INPP5A: variants seen among roughly 807,000 people sequenced by gnomAD.
INPP5A encodes 43 kDa inositol polyphosphate 5-phophatase.
A neutral mutation model predicts 65.2 loss-of-function variants in INPP5A; 14 were observed. The ratio of observed to expected loss-of-function variants is 0.21; its 90% CI spans 0.14 to 0.34. The LOEUF is 0.34. Ranked by LOEUF, INPP5A falls within the 10% of genes least tolerant of loss-of-function variation. The pLI is 1.00. For synonymous variants in INPP5A, 207 were observed against 208.3 expected (o/e 0.99, Z 0.05); for missense variants, 431 against 545.6 (o/e 0.79, Z 2.09).
chr10:132,542,267 C>T (rs1306304751), intron 1 of INPP5A, among the ~76,000 whole-genome samples: 1 of 152,228 alleles, frequency 6.6e-6, no homozygotes, highest in South Asian at 2.1e-4. Flanking sequence ...TGCCCAGACC[C>T]GGGTTTGCAG....
rs1845364419 is a variant in INPP5A, at chr10:132,697,547, C to T, written c.371-269C>T. ...GTTTAAAAGAGGATGCCAATTAGCT[C>T]CTGTAAATCTGCAGTCTGGGAGCTC... On this transcript the variant is annotated intron_variant, in intron 5 of 15. Coordinates refer to ENST00000368594, the MANE Select transcript of INPP5A (RefSeq NM_005539.5). The surrounding 1 kb of genome is among the most constrained non-coding windows in gnomAD (Gnocchi z 5.6). Among the ~76,000 whole-genome samples, 1 of 152,186 alleles carries T rather than the reference C, an allele frequency of 6.6e-6. No homozygotes were observed. The highest frequency in any genetic ancestry group is 2.4e-5 in the African/African-American group (1 of 41,450).
chr10:132,540,918 T>G (rs1250509755), intron 1 of INPP5A, among the ~76,000 whole-genome samples: 1 of 152,252 alleles, frequency 6.6e-6, no homozygotes, highest in African/African-American at 2.4e-5. Flanking sequence ...TTTCCTTTTG[T>G]GCACAAGTGA....
In INPP5A at chr10:132,706,463, T is replaced by C. The variant is rs1845539077; in HGVS notation, c.475-1850T>C. On this transcript the variant is annotated intron_variant, in intron 6 of 15. Transcript: ENST00000368594. The surrounding 1 kb of genome is among the most constrained non-coding windows in gnomAD (Gnocchi z 4.7). ...AATATTGATGACAAAGAGAAAAACT[T>C]TAAAACAGCCAGAGAGAGGAAAACA... Among the ~76,000 whole-genome samples, 6 of 152,150 alleles carry C rather than the reference T, an allele frequency of 3.9e-5. No individual in the cohort carries two copies. The South Asian group carries it at 1.2e-3, about 32-fold the overall frequency.
At chr10:132,559,081 G>A (rs970953389) in intron 1 of INPP5A, among the ~76,000 whole-genome samples, 1 of 152,220 alleles carries the variant, frequency 6.6e-6, no homozygotes, top group Non-Finnish European at 1.5e-5. Flanking sequence ...AGCTTCCTGA[G>A]GGTCCCTGAG....
Position 132,615,243 on chromosome 10 carries a change from T to C in INPP5A, c.117+7287T>C, listed in dbSNP as rs538845885. ...GCGGCCCGCAGCCCGTGGGCCACAA[T>C]GGAGGGCTTCATCTCAGAAGCTTCC... On this transcript the variant is annotated intron_variant, in intron 2 of 15. Transcript: ENST00000368594. Among the ~76,000 whole-genome samples the C allele has an allele frequency of 2.6e-5, 4 of 152,316 alleles. No homozygotes were observed. The South Asian group carries it at 8.3e-4, about 32-fold the overall frequency.
chr10:132,662,629 A>C (rs1171296430), intron 4 of INPP5A, among the ~76,000 whole-genome samples: 2 of 152,188 alleles, frequency 1.3e-5, no homozygotes, highest in African/African-American at 4.8e-5. Context: ...GTGAGCACTA[A>C]GGAGAAGCCA....
At chr10:132,766,086 G>A (rs1013259733) in intron 12 of INPP5A, among the ~76,000 whole-genome samples, 1 of 151,846 alleles carries the variant, frequency 6.6e-6, no homozygotes. Flanking sequence ...ACATGTGCAC[G>A]AGTGTGTGTG....
rs142994821 is a variant in INPP5A, at chr10:132,776,364, G to A, written c.978-1307G>A. 7.0e-4 allele frequency among the ~76,000 whole-genome samples: 107 copies of A among 151,846 alleles called. 1 individual carries two copies. Among genetic ancestry groups the A allele is most frequent in the African/African-American group, 2.4e-3 (100 of 41,466 alleles). On this transcript the variant is annotated intron_variant, in intron 12 of 15. Coordinates refer to ENST00000368594, the MANE Select transcript of INPP5A (RefSeq NM_005539.5). ...AGGGCAGAGCAAGTTCCCAGTCCCC[G>A]GCTGTTTCCAGGTGGTTGGGCACAG... is the stretch of plus-strand genomic sequence containing the variant.
rs1308879303 is a variant in INPP5A at position 132,546,994 on chromosome 10, G to A, written c.75+8823G>A. 6.6e-6 allele frequency among the ~76,000 whole-genome samples: 1 copy of A among 152,196 alleles called. No individual in the cohort carries two copies. Among genetic ancestry groups the A allele is most frequent in the African/African-American group, 2.4e-5 (1 of 41,452 alleles). ...TTCCTTTCTGCGTCCTCCCCTCTCG[G>A]GGTCCCGCATGACTGGTCCTCATTC... On this transcript the variant is annotated intron_variant, in intron 1 of 15. Coordinates refer to ENST00000368594, the MANE Select transcript of INPP5A (RefSeq NM_005539.5). The surrounding 1 kb of genome is among the most constrained non-coding windows in gnomAD (Gnocchi z 5.7).
intron 1 of INPP5A, among the ~76,000 whole-genome samples, chr10:132,564,150 G>A (rs1047138570): frequency 2.6e-5 from 4 of 152,118 alleles, no homozygotes; most frequent in African/African-American, 2.4e-5. Context: ...TGTCCTGCTC[G>A]TTGCTGTCAT....
intron 4 of INPP5A, among the ~76,000 whole-genome samples, chr10:132,669,425 G>T (rs1242529490): frequency 6.6e-6 from 1 of 152,128 alleles, no homozygotes; most frequent in African/African-American, 2.4e-5. Context: ...TAACCTCAAG[G>T]CTTTCTATGT....
intron 11 of INPP5A, among the ~76,000 whole-genome samples, chr10:132,758,506 C>T (rs556465042): frequency 2.0e-4 from 30 of 152,170 alleles, no homozygotes; most frequent in African/African-American, 6.3e-4. Context: ...GGCGTGGGTG[C>T]CCGGCCGACC....
At position 132,540,646 on chromosome 10, in the gene INPP5A, T is replaced by C. The variant is rs1289468061; in HGVS notation, c.75+2475T>C. Among the ~76,000 whole-genome samples, 5 of 152,322 alleles carry C rather than the reference T, an allele frequency of 3.3e-5. No individual in the cohort carries two copies. The East Asian group carries it at 7.7e-4, about 24-fold the overall frequency. On this transcript the variant is annotated intron_variant, in intron 1 of 15. Transcript: ENST00000368594. Reference sequence around the variant, plus strand: ...AGCCTGGCCGGTGGAAGGAAATTCATGAGTGAAGGAAGTTTTGGTTTCTTG... The same window carrying C: ...AGCCTGGCCGGTGGAAGGAAATTCACGAGTGAAGGAAGTTTTGGTTTCTTG...
chr10:132,590,344 A>C (rs959010597), intron 1 of INPP5A, among the ~76,000 whole-genome samples: 1 of 151,770 alleles, frequency 6.6e-6, no homozygotes, highest in Non-Finnish European at 1.5e-5. Context: ...GTGGGGAGGG[A>C]CAGTGCGGCC....
chr10:132,708,785 T>C (rs1845583982), intron 7 of INPP5A, among the ~76,000 whole-genome samples: 1 of 152,202 alleles, frequency 6.6e-6, no homozygotes, highest in Admixed American at 6.5e-5. Context: ...AGCCTGCGTC[T>C]CATCCACATA....
intron 2 of INPP5A, among the ~76,000 whole-genome samples, chr10:132,614,368 G>A (rs2072002242): frequency 6.6e-6 from 1 of 152,218 alleles, no homozygotes; most frequent in African/African-American, 2.4e-5. Flanking sequence ...TTGGGAGGCT[G>A]AGGCAGGAGA....
At position 132,659,795 on chromosome 10, in the gene INPP5A, G is replaced by T. The variant is rs1183404769; in HGVS notation, c.306+9290G>T. ...GGTCTGCACGGCTTCATGGCTGCCT[G>T]CCCTGGGAGGTGGAGCATGGAGAAG... is the stretch of plus-strand genomic sequence containing the variant. On this transcript the variant is annotated intron_variant, in intron 4 of 15. Coordinates refer to ENST00000368594, the MANE Select transcript of INPP5A (RefSeq NM_005539.5). This position sits in a 1 kb window ranked among gnomAD's most constrained non-coding sequence, Gnocchi z 5.5. Among the ~76,000 whole-genome samples, 1 of 152,228 alleles carries T rather than the reference G, an allele frequency of 6.6e-6. No individual in the cohort carries two copies. The highest frequency in any genetic ancestry group is 1.5e-5 in the Non-Finnish European group (1 of 68,030).
intron 9 of INPP5A, among the ~76,000 whole-genome samples, chr10:132,728,051 C>T (rs1846016363): frequency 6.6e-6 from 1 of 152,178 alleles, no homozygotes; most frequent in South Asian, 2.1e-4. Flanking sequence ...AAATGAGTGC[C>T]CCTAAAACCC....
intron 1 of INPP5A, among the ~76,000 whole-genome samples, chr10:132,558,128 C>T (rs1430861180): frequency 6.6e-6 from 1 of 152,194 alleles, no homozygotes; most frequent in Admixed American, 6.5e-5. Flanking sequence ...GGTGGAGGCT[C>T]CGCAGGGCAG....
Sources: gnomAD v4.1 joint callset for allele counts (sites outside exome capture counted in the v4.1 genomes callset) on GRCh38, gnomAD v4.1.1 for gene constraint, Gnocchi (gnomAD v3.1) non-coding constraint, MANE v1.5 for transcripts, NCBI Gene and HGNC (gene_info 2026-07-23, HGNC 2026-07-21) for gene names.